Variants in ACP3 observed in about 807,000 individuals in gnomAD.
ACP3 encodes acid phosphatase 3.
A neutral mutation model predicts 45.6 loss-of-function variants in ACP3; 38 were observed. The ratio of observed to expected loss-of-function variants is 0.83; its 90% confidence interval spans 0.64 to 1.09. ACP3 has a LOEUF of 1.09. Among genes scored for constraint, ACP3 ranks in the 50% least tolerant of loss-of-function variants. The pLI is 0.00. For missense variants in ACP3, 466 were observed against 463.2 expected, an observed-to-expected ratio of 1.01 and a Z score of -0.05; for synonymous variants, 162 against 164.7, an observed-to-expected ratio of 0.98 and a Z score of 0.13.
downstream of ACP3, among the ~76,000 whole-genome samples, chr3:132,360,501 G>GT (rs1313286190): frequency 2.0e-5 from 3 of 152,144 alleles, no homozygotes; most frequent in African/African-American, 7.2e-5. Flanking sequence ...TTTTTAGCTA[G>GT]TGCCAGTAGG....
chr3:132,365,151 C>A (rs1938109698), intron 10 of ACP3, among the ~76,000 whole-genome samples: 1 of 152,234 alleles, frequency 6.6e-6, no homozygotes, highest in African/African-American at 2.4e-5. Context: ...GTGCCAGATA[C>A]TGTTCTCAGT....
chr3:132,355,925 C>CT (rs1937883449), intron 9 of ACP3, among the ~76,000 whole-genome samples: 2 of 33,282 alleles, frequency 6.0e-5, no homozygotes, highest in South Asian at 3.0e-3. Flanking sequence ...TGTAAGGTTA[C>CT]ACCAAAAGAA....
chr3:132,354,274 C>T (rs1266588259), intron 9 of ACP3, among the ~76,000 whole-genome samples: 1 of 152,082 alleles, frequency 6.6e-6, no homozygotes, highest in African/African-American at 2.4e-5. Flanking sequence ...TCGTACCTCC[C>T]TGTTCTCTGG....
At chr3:132,337,397 C>T in intron 4 of ACP3, 59 bp from the exon 5 acceptor site, 1 of 1,071,936 alleles carries the variant, frequency 9.3e-7, no homozygotes, top group Non-Finnish European at 1.4e-6. Flanking sequence ...ATTGCTGCAG[C>T]ATATTTAGCA....
downstream of ACP3, among the ~76,000 whole-genome samples, chr3:132,363,585 C>G (rs16839143): frequency 0.038 from 5,742 of 152,262 alleles, 349 homozygotes; most frequent in African/African-American, 0.13. Flanking sequence ...CAATAGTTCT[C>G]TATCAAGCCT....
chr3:132,367,942 T>C, exon 11 of ACP3: 1 of 780,206 alleles, frequency 1.3e-6, no homozygotes, highest in East Asian at 2.5e-5. Context: ...GCCTTTTGAA[T>C]CTGCCCAGAG....
downstream of ACP3, among the ~76,000 whole-genome samples, chr3:132,359,237 G>A (rs1937986903): frequency 6.6e-6 from 1 of 152,234 alleles, no homozygotes; most frequent in South Asian, 2.1e-4. Flanking sequence ...TTGAGGCCAG[G>A]CGAGGTGGCT....
At chr3:132,343,371 C>G (rs1181386856) in intron 6 of ACP3, among the ~76,000 whole-genome samples, 1 of 152,202 alleles carries the variant, frequency 6.6e-6, no homozygotes, top group East Asian at 1.9e-4. Flanking sequence ...ACAGATGACA[C>G]AGTTTGCCTC....
At chr3:132,363,137 C>T (rs550693987), downstream of ACP3, among the ~76,000 whole-genome samples, 26 of 152,024 alleles carry the variant, frequency 1.7e-4, no homozygotes, top group South Asian at 3.1e-3. Context: ...AAAGCATACG[C>T]GCTCACCTGA....
intron 1 of ACP3, among the ~76,000 whole-genome samples, chr3:132,327,148 C>G (rs980065016): frequency 4.6e-5 from 7 of 152,142 alleles, no homozygotes. Flanking sequence ...TCCTAATCTC[C>G]AAAAAATGAA....
chr3:132,343,614 A>C (rs1937575533), intron 6 of ACP3, among the ~76,000 whole-genome samples: 1 of 151,860 alleles, frequency 6.6e-6, no homozygotes, highest in Admixed American at 6.6e-5. Flanking sequence ...AATCTCTCTC[A>C]CTTATTTCCT....
chr3:132,350,199 A>G (rs1344280175), intron 8 of ACP3, among the ~76,000 whole-genome samples, 197 bp downstream of exon 8: 1 of 152,152 alleles, frequency 6.6e-6, no homozygotes, highest in Non-Finnish European at 1.5e-5. Context: ...AGACAAACAT[A>G]AACACTATAC....
intron 4 of ACP3, among the ~76,000 whole-genome samples, chr3:132,334,846 A>G (rs895206234): frequency 3.9e-5 from 6 of 152,242 alleles, no homozygotes; most frequent in Non-Finnish European, 5.9e-5. Context: ...GAAAACCTAC[A>G]TCCAACTACC....
intron 8 of ACP3, among the ~76,000 whole-genome samples, chr3:132,351,437 A>G (rs920204552): frequency 1.3e-5 from 2 of 152,336 alleles, no homozygotes; most frequent in African/African-American, 4.8e-5. Context: ...CCTTTCACTC[A>G]CATCTCCATG....
chr3:132,317,593 C>A lies in ACP3; in HGVS notation c.120+17C>A, dbSNP rs1937132932. On this transcript the variant is annotated intron_variant, in intron 1 of 9. Transcript: ENST00000336375. Reference sequence around the variant, plus strand: ...GTGACTTTGGTAAGTAGACTTTTCTCATTGCTTTTTCCTTAAAACTGTGTT... The same window carrying A: ...GTGACTTTGGTAAGTAGACTTTTCTAATTGCTTTTTCCTTAAAACTGTGTT... 6.2e-7 allele frequency: 1 copy of A among 1,606,582 alleles called. No individual in the cohort carries two copies. Among genetic ancestry groups the A allele is most frequent in the East Asian group, 2.2e-5 (1 of 44,656 alleles).
intron 8 of ACP3, among the ~76,000 whole-genome samples, chr3:132,351,551 A>C (rs1228796041): frequency 2.0e-5 from 3 of 152,222 alleles, no homozygotes; most frequent in African/African-American, 7.2e-5. Context: ...GTTTATTATC[A>C]GGAGCCCTAA....
At chr3:132,318,337 C>T (rs1365377199) in intron 1 of ACP3, among the ~76,000 whole-genome samples, 1 of 151,914 alleles carries the variant, frequency 6.6e-6, no homozygotes, top group Non-Finnish European at 1.5e-5. Context: ...TAAGCTGCTT[C>T]TTGCCTTTCC....
intron 1 of ACP3, among the ~76,000 whole-genome samples, chr3:132,318,972 T>C (rs1004167945): frequency 6.6e-6 from 1 of 152,240 alleles, no homozygotes; most frequent in African/African-American, 2.4e-5. Flanking sequence ...CTAACTTCCT[T>C]TGACTACCAA....
intron 6 of ACP3, 63 bp downstream of exon 6, chr3:132,342,707 A>T: frequency 1.0e-6 from 1 of 992,476 alleles, no homozygotes; most frequent in Non-Finnish European, 1.5e-6. Context: ...GCTTATTTTG[A>T]AATAGATGAA....
Sources: allele counts gnomAD v4.1 joint callset (sites outside exome capture counted in the v4.1 genomes callset), GRCh38; gene constraint gnomAD v4.1.1; transcripts MANE v1.5; gene names NCBI Gene and HGNC (gene_info 2026-07-23, HGNC 2026-07-21).